GAREM1: variants seen among roughly 807,000 people sequenced by gnomAD.
GAREM1 encodes GRB2 associated regulator of MAPK1 subtype 1, also known as GRB2-associated and regulator of MAPK protein 1.
Under a neutral mutation model 71.3 loss-of-function variants are expected in GAREM1, and 26 were observed. That is an observed-to-expected ratio of 0.36 (90% CI 0.27 to 0.51). GAREM1 has a LOEUF of 0.51. Ranked by LOEUF, GAREM1 falls within the 20% of genes least tolerant of loss-of-function variation. GAREM1 has a pLI of 0.95. For missense variants in GAREM1, 1,026 were observed against 1,103.1 expected, an observed-to-expected ratio of 0.93 and a Z score of 0.99; for synonymous variants, 440 against 433.2, an observed-to-expected ratio of 1.02 and a Z score of -0.20.
chr18:32,354,592 C>T (rs778766238), intron 2 of GAREM1, among the ~76,000 whole-genome samples: 17 of 152,116 alleles, frequency 1.1e-4, no homozygotes, highest in Non-Finnish European at 2.1e-4. Context: ...AAAACTTCTC[C>T]GCAAAAGCAA....
At chr18:32,294,992 T>A (rs184482971) in intron 3 of GAREM1, among the ~76,000 whole-genome samples, 4 of 152,272 alleles carry the variant, frequency 2.6e-5, no homozygotes, top group African/African-American at 7.2e-5. Flanking sequence ...ACAAATAAAA[T>A]TTTTAAAAAT....
intron 2 of GAREM1, among the ~76,000 whole-genome samples, chr18:32,332,693 T>C (rs2047549486): frequency 6.6e-6 from 1 of 152,140 alleles, no homozygotes; most frequent in Non-Finnish European, 1.5e-5. Flanking sequence ...CCCTGCTGTG[T>C]CTCCTACCAC....
intron 2 of GAREM1, among the ~76,000 whole-genome samples, chr18:32,356,145 G>C (rs944327476): frequency 6.6e-6 from 1 of 152,158 alleles, no homozygotes; most frequent in African/African-American, 2.4e-5. Context: ...CCATGAAGCA[G>C]GTCAGGTTAG....
chr18:32,268,570 C>T lies in GAREM1; in HGVS notation c.1932G>A (p.Leu644=). ...GGTAACTATAACTCCTGCTTGGATC[C>T]AGCAGGAAGTCACTCCTGGTCTGGC... ...SESQTRSDFL[L]DPSRSYSYPR... The change falls in exon 6 of 6, where the codon CTG becomes CTA. Residue 644 remains leucine, a synonymous_variant. Coordinates refer to ENST00000269209, the MANE Select transcript of GAREM1 (RefSeq NM_001242409.2). 6.2e-7 allele frequency: 1 copy of T among 1,614,094 alleles called. No homozygotes were observed. The highest frequency in any genetic ancestry group is 2.2e-5 in the East Asian group (1 of 44,874).
At chr18:32,289,067 T>C (rs1239210429) in intron 3 of GAREM1, among the ~76,000 whole-genome samples, 2 of 152,120 alleles carry the variant, frequency 1.3e-5, no homozygotes, top group Non-Finnish European at 2.9e-5. Context: ...GCTACGCATA[T>C]ATTTGTTTTT....
intron 2 of GAREM1, among the ~76,000 whole-genome samples, chr18:32,374,460 G>A (rs544432265): frequency 4.8e-4 from 73 of 152,344 alleles, no homozygotes; most frequent in Admixed American, 8.5e-4. Flanking sequence ...AGCTTAAGCT[G>A]CACTGATAGT....
At chr18:32,293,503 A>T (rs1158865457) in intron 3 of GAREM1, among the ~76,000 whole-genome samples, 1 of 152,208 alleles carries the variant, frequency 6.6e-6, no homozygotes, top group Non-Finnish European at 1.5e-5. Flanking sequence ...CAAAAAGATG[A>T]CAAACAAGGA....
chr18:32,440,809 A>C (rs1048222681), intron 1 of GAREM1, among the ~76,000 whole-genome samples: 1 of 152,254 alleles, frequency 6.6e-6, no homozygotes, highest in African/African-American at 2.4e-5. Context: ...GGACATCTGC[A>C]GCTGCGTGGA....
chr18:32,292,066 C>T (rs2144481841), intron 3 of GAREM1, among the ~76,000 whole-genome samples: 1 of 152,328 alleles, frequency 6.6e-6, no homozygotes, highest in African/African-American at 2.4e-5. Flanking sequence ...GGAATCACCA[C>T]ACTGTCTTCC....
intron 1 of GAREM1, among the ~76,000 whole-genome samples, chr18:32,396,118 A>G (rs1388550573): frequency 6.6e-6 from 1 of 152,200 alleles, no homozygotes; most frequent in Non-Finnish European, 1.5e-5. Context: ...TGTTAGAAGG[A>G]AAACTAACAA....
rs143973269 is a variant in GAREM1, at chr18:32,445,702, G to A, written c.121+24606C>T. Reference sequence around the variant, plus strand: ...GTGTAAATATGATTTAGTTTGTTTCGCAGGACTGTAATGTTCAATCATCTT... The same window carrying A: ...GTGTAAATATGATTTAGTTTGTTTCACAGGACTGTAATGTTCAATCATCTT... On this transcript the variant is annotated intron_variant, in intron 1 of 5. Transcript: ENST00000269209. Among the ~76,000 whole-genome samples, 191 of 152,150 alleles carry A rather than the reference G, an allele frequency of 1.3e-3. 1 individual carries two copies. The highest frequency in any genetic ancestry group is 4.3e-3 in the African/African-American group (180 of 41,516).
rs1265156741 is a variant in GAREM1, at chr18:32,470,730, C to G, written c.-302G>C. On this transcript the variant is annotated 5_prime_UTR_variant, in exon 1 of 6. Coordinates refer to ENST00000269209, the MANE Select transcript of GAREM1 (RefSeq NM_001242409.2). The surrounding 1 kb of genome is among the most constrained non-coding windows in gnomAD (Gnocchi z 4.4). ...GGCGGCCCGGGTGGCTGCGGCGGCTCCCGCTCCGCCTCCTCCTCTGGCCCT... is the reference window on the plus strand; with the variant it reads ...GGCGGCCCGGGTGGCTGCGGCGGCTGCCGCTCCGCCTCCTCCTCTGGCCCT... Among the ~76,000 whole-genome samples, 1 of 149,862 alleles carries G rather than the reference C, an allele frequency of 6.7e-6. No individual in the cohort carries two copies. The highest frequency in any genetic ancestry group is 1.5e-5 in the Non-Finnish European group (1 of 67,082).
At chr18:32,383,349 T>C (rs2048115173) in intron 2 of GAREM1, among the ~76,000 whole-genome samples, 1 of 152,202 alleles carries the variant, frequency 6.6e-6, no homozygotes. Context: ...AGCACAAGAC[T>C]TCCCTGGATA....
In GAREM1 at chr18:32,287,254, T is replaced by C. The variant is rs1206914217; in HGVS notation, c.1343A>G (p.Lys448Arg). The change falls in exon 4 of 6, where the codon AAG (lysine) becomes AGG (arginine). Residue 448 changes from lysine (K) to arginine (R), a missense_variant. Lys to Arg is a conservative substitution (Grantham distance 26, BLOSUM62 2). This residue lies in a region of GAREM1 where 636 missense variants were observed against 631.2 expected (regional missense o/e 1.01). Coordinates refer to ENST00000269209, the MANE Select transcript of GAREM1 (RefSeq NM_001242409.2). The surrounding 1 kb of genome is among the most constrained non-coding windows in gnomAD (Gnocchi z 5.9). ...ASEESAGIPGKSELPYEELWL... is the reference protein window; with the variant it reads ...ASEESAGIPGRSELPYEELWL... ...CAGCTCTTCGTAGGGAAGTTCTGAC[T>C]TTCCCGGGATGCCTGCTGATTCTTC... The C allele has an allele frequency of 1.6e-5, 26 of 1,614,094 alleles. No homozygotes were observed. Among genetic ancestry groups the C allele is most frequent in the Admixed American group, 3.3e-5 (2 of 60,004 alleles).
At chr18:32,317,095 G>T (rs2047385406) in intron 2 of GAREM1, among the ~76,000 whole-genome samples, 1 of 152,106 alleles carries the variant, frequency 6.6e-6, no homozygotes, top group African/African-American at 2.4e-5. Context: ...CAGGGCAGTG[G>T]CAAGACAAGA....
intron 1 of GAREM1, among the ~76,000 whole-genome samples, chr18:32,433,551 C>T (rs1372980136): frequency 1.3e-5 from 2 of 151,642 alleles, no homozygotes; most frequent in Non-Finnish European, 2.9e-5. Context: ...AATATCTACA[C>T]AGAAAATCCT....
intron 1 of GAREM1, among the ~76,000 whole-genome samples, chr18:32,454,682 GA>G (rs1163849243): frequency 1.3e-5 from 2 of 152,186 alleles, no homozygotes; most frequent in Non-Finnish European, 2.9e-5. Context: ...CAGAGACTGA[GA>G]AAGAACTCTA....
intron 2 of GAREM1, among the ~76,000 whole-genome samples, chr18:32,339,685 T>C (rs114962146): frequency 1.3e-5 from 2 of 152,228 alleles, no homozygotes; most frequent in Non-Finnish European, 2.9e-5. Context: ...GTTTAACATA[T>C]ACAAATCTAA....
intron 2 of GAREM1, among the ~76,000 whole-genome samples, chr18:32,319,136 C>A (rs1404694248): frequency 6.6e-6 from 1 of 152,166 alleles, no homozygotes; most frequent in African/African-American, 2.4e-5. Context: ...AGGCCACAGA[C>A]AAACTTAGAT....
Sources: allele counts gnomAD v4.1 joint callset (sites outside exome capture counted in the v4.1 genomes callset), GRCh38; gene constraint gnomAD v4.1.1; regional missense constraint gnomAD v4.1.1; non-coding constraint Gnocchi (gnomAD v3.1); transcripts MANE v1.5; gene names NCBI Gene and HGNC (gene_info 2026-07-23, HGNC 2026-07-21).